Variants in TMC1 observed in about 807,000 individuals in gnomAD.
TMC1 encodes transmembrane channel-like protein 1.
Under a neutral mutation model 105.8 loss-of-function variants are expected in TMC1, and 84 were observed. That is an observed-to-expected ratio of 0.79 (90% CI 0.67 to 0.95). The LOEUF (loss-of-function observed/expected upper bound fraction) is 0.95. Ranked by LOEUF, TMC1 falls within the 40% of genes least tolerant of loss-of-function variation. The pLI is 0.00. For synonymous variants in TMC1, 315 were observed against 311.5 expected (o/e 1.01, Z -0.12); for missense variants, 817 against 914.1 (o/e 0.89, Z 1.37).
At chr9:72,715,750 G>A (rs1826906344) in intron 8 of TMC1, among the ~76,000 whole-genome samples, 1 of 151,922 alleles carries the variant, frequency 6.6e-6, no homozygotes, top group Non-Finnish European at 1.5e-5. Flanking sequence ...ACCTTCTAAA[G>A]CCTACTTCTG....
chr9:72,654,930 C>G (rs1219583989), intron 5 of TMC1, among the ~76,000 whole-genome samples: 2 of 151,866 alleles, frequency 1.3e-5, no homozygotes, highest in African/African-American at 4.8e-5. Flanking sequence ...TCTGAAAAAG[C>G]CTTTAGCTAA....
intron 12 of TMC1, among the ~76,000 whole-genome samples, chr9:72,762,912 C>T (rs1441629657): frequency 6.6e-6 from 1 of 152,144 alleles, no homozygotes; most frequent in Admixed American, 6.5e-5. Flanking sequence ...ATGTTCTATT[C>T]TAGGTCCTAG....
At chr9:72,661,730 T>A (rs933038819) in intron 5 of TMC1, among the ~76,000 whole-genome samples, 1 of 152,226 alleles carries the variant, frequency 6.6e-6, no homozygotes, top group Admixed American at 6.5e-5. Flanking sequence ...TGCTTAATTT[T>A]GAGTTTCCTT....
chr9:72,651,970 T>G lies in TMC1; in HGVS notation c.16+3306T>G, dbSNP rs62560381. Among the ~76,000 whole-genome samples, 548 of 152,276 alleles carry G rather than the reference T, an allele frequency of 3.6e-3. 1 individual carries two copies. The highest frequency in any genetic ancestry group is 6.8e-3 in the Middle Eastern group (2 of 294). ...ACATTCTTATGCCTTTGTGTCCTCA[T>G]AATTTAGCTCCCAATTGTGAGTGAG... On this transcript the variant is annotated intron_variant, in intron 5 of 23. Transcript: ENST00000297784.
chr9:72,782,883 A>G (rs998393517), intron 13 of TMC1, among the ~76,000 whole-genome samples: 1 of 152,190 alleles, frequency 6.6e-6, no homozygotes, highest in Admixed American at 6.5e-5. Flanking sequence ...TTACAGATTC[A>G]ATGCTATTCC....
At chr9:72,780,819 A>T (rs1588080146) in intron 13 of TMC1, among the ~76,000 whole-genome samples, 1 of 152,200 alleles carries the variant, frequency 6.6e-6, no homozygotes, top group East Asian at 1.9e-4. Flanking sequence ...AGGTTCATAA[A>T]ATAAGTTCTT....
chr9:72,784,980 C>G (rs1458780027), intron 13 of TMC1, among the ~76,000 whole-genome samples: 3 of 152,074 alleles, frequency 2.0e-5, no homozygotes, highest in Non-Finnish European at 4.4e-5. Flanking sequence ...GAAAAACTAC[C>G]TATTGGTTAC....
rs544724880 is a variant in TMC1 at position 72,685,220 on chromosome 9, T to C, written c.17-3489T>C. Among the ~76,000 whole-genome samples the C allele has an allele frequency of 2.9e-3, 420 of 146,878 alleles. 1 individual carries two copies. The highest frequency in any genetic ancestry group is 9.0e-3 in the African/African-American group (357 of 39,686). On this transcript the variant is annotated intron_variant, in intron 5 of 23. Transcript: ENST00000297784. ...CTCCCGGGTTCATACCATTCTCCTG[T>C]TTCAGCCTCCCGAGTAGCTGGGACT...
rs747645067 is a variant in TMC1, at chr9:72,742,520, T to C, written c.530T>C (p.Ile177Thr). ...CVPWENKIKAIESQFGSSVAS... is the reference protein window; with the variant it reads ...CVPWENKIKATESQFGSSVAS... The stretch of plus-strand genomic sequence containing the variant: ...CCATGGGAAAATAAAATCAAGGCTA[T>C]TGAAAGTAAGTCCTTATCAGATCTC... Residue 177 changes from isoleucine (I) to threonine (T), a missense_variant, in exon 10 of 24, where the codon ATT becomes ACT. Ile to Thr is a moderately conservative substitution (Grantham distance 89). Transcript: ENST00000297784. 8 of 1,613,772 alleles carry C rather than the reference T, an allele frequency of 5.0e-6. No homozygotes were observed. Among genetic ancestry groups the C allele is most frequent in the South Asian group, 1.1e-5 (1 of 91,052 alleles).
chr9:72,784,064 A>G (rs1269557549), intron 13 of TMC1, among the ~76,000 whole-genome samples: 2 of 152,222 alleles, frequency 1.3e-5, no homozygotes, highest in Non-Finnish European at 2.9e-5. Flanking sequence ...CAAAATTGAT[A>G]GGTGGGACCT....
intron 20 of TMC1, among the ~76,000 whole-genome samples, chr9:72,826,217 C>G (rs1023436745): frequency 5.3e-5 from 8 of 152,140 alleles, no homozygotes; most frequent in Admixed American, 3.3e-4. Context: ...CTTAGTAAGT[C>G]AAGACATCCT....
At chr9:72,552,315 C>G (rs1027630732) in intron 1 of TMC1, among the ~76,000 whole-genome samples, 1 of 152,112 alleles carries the variant, frequency 6.6e-6, no homozygotes. Flanking sequence ...GTCTCTTCCC[C>G]CTGCTGTCAC....
chr9:72,701,610 T>G (rs973278740), intron 8 of TMC1, among the ~76,000 whole-genome samples: 3 of 152,210 alleles, frequency 2.0e-5, no homozygotes, highest in Non-Finnish European at 2.9e-5. Context: ...TAGTATAGTA[T>G]TATTGTCTCT....
intron 8 of TMC1, among the ~76,000 whole-genome samples, chr9:72,733,142 A>C (rs2117990435): frequency 6.7e-6 from 1 of 149,802 alleles, no homozygotes; most frequent in East Asian, 2.0e-4. Flanking sequence ...ACATGTGCAG[A>C]GTTTTGAGAG....
chr9:72,694,676 A>C lies in TMC1; in HGVS notation c.198A>C (p.Ala66=), dbSNP rs1182362682. ...CAGAGGATGAAGAAACAAGGAAGGC[A>C]AGAGAAAAAGAGAGGAGGAGGAGGC... ...PEPEDEETRK[A]REKERRRRLK... Residue 66 remains alanine (A), a synonymous_variant, in exon 7 of 24, where the codon GCA becomes GCC. Transcript: ENST00000297784. 3.7e-6 allele frequency: 6 copies of C among 1,611,682 alleles called. No homozygotes were observed. Among genetic ancestry groups the C allele is most frequent in the Non-Finnish European group, 5.1e-6 (6 of 1,178,816 alleles).
At chr9:72,728,687 AAC>A (rs908280983) in intron 8 of TMC1, among the ~76,000 whole-genome samples, 9 of 152,218 alleles carry the variant, frequency 5.9e-5, no homozygotes, top group African/African-American at 1.2e-4. Flanking sequence ...CTGTGAGGAA[AAC>A]ACAGTTTGTG....
intron 4 of TMC1, among the ~76,000 whole-genome samples, chr9:72,630,010 C>A (rs1035172031): frequency 6.6e-6 from 1 of 151,958 alleles, no homozygotes; most frequent in Non-Finnish European, 1.5e-5. Context: ...GGATTACAGG[C>A]GCCTGCCACC....
intron 4 of TMC1, among the ~76,000 whole-genome samples, chr9:72,644,038 TCTTTA>T (rs1264774805): frequency 2.6e-5 from 4 of 152,162 alleles, no homozygotes; most frequent in Admixed American, 6.5e-5. Context: ...TTATGTTGTG[TCTTTA>T]CTTTTGTTTA....
At chr9:72,813,691 G>A (rs1393410040) in intron 18 of TMC1, among the ~76,000 whole-genome samples, 1 of 152,186 alleles carries the variant, frequency 6.6e-6, no homozygotes, top group Non-Finnish European at 1.5e-5. Context: ...TAAAACAGGT[G>A]GCAGTCCAGA....
Sources: gnomAD v4.1 joint callset for allele counts (sites outside exome capture counted in the v4.1 genomes callset) on GRCh38, gnomAD v4.1.1 for gene constraint, MANE v1.5 for transcripts, NCBI Gene and HGNC (gene_info 2026-07-23, HGNC 2026-07-21) for gene names.